The following MTRF1 variants were observed in gnomAD, a reference collection of about 807,000 sequenced individuals.
MTRF1 encodes the protein peptide chain release factor 1, mitochondrial.
Under a neutral mutation model 62.9 loss-of-function variants are expected in MTRF1, and 51 were observed. The ratio of observed to expected loss-of-function variants is 0.81; its 90% CI spans 0.65 to 1.02. MTRF1 has a LOEUF of 1.02. Ranked by LOEUF, MTRF1 falls within the 50% of genes least tolerant of loss-of-function variation. The pLI is 0.00. For synonymous variants in MTRF1, 158 were observed against 181.9 expected, an observed-to-expected ratio of 0.87 and a Z score of 1.06; for missense variants, 446 against 530.0, an observed-to-expected ratio of 0.84 and a Z score of 1.56.
At chr13:41,311,481 C>T in the MTRF1 span, 7 of 1,555,266 alleles carry the variant, frequency 4.5e-6, no homozygotes, top group South Asian at 1.2e-5. Context: ...GCGGAGCGCC[C>T]GGGCACCTAG....
chr13:41,270,355 A>T, the MTRF1 span, among the ~76,000 whole-genome samples: 1 of 152,152 alleles, frequency 6.6e-6, no homozygotes, highest in Admixed American at 6.5e-5. Flanking sequence ...TATTTGATTC[A>T]CATATTTTTA....
chr13:41,220,627 G>C, intron 9 of MTRF1: 2 of 1,284,564 alleles, frequency 1.6e-6, no homozygotes, highest in Non-Finnish European at 2.0e-6. Flanking sequence ...ACTACCACCC[G>C]TGGAATGAGA....
Position 41,260,961 on chromosome 13 carries a change from G to A in MTRF1, c.-8-46C>T, listed in dbSNP as rs748790123. The A allele has an allele frequency of 4.9e-5, 71 of 1,463,604 alleles. No homozygotes were observed. The South Asian group carries it at 9.1e-4, about 19-fold the overall frequency. 90.7% of individuals were successfully genotyped at this position (1,463,604 alleles called of 1,614,324 possible). On this transcript the variant is annotated intron_variant, in intron 1 of 9. Coordinates refer to ENST00000379480, the MANE Select transcript of MTRF1 (RefSeq NM_004294.4). ...TCTTTAAAAAAAAATCATCTCTAAA[G>A]ATACATGCATAATAAACCTGGAAGG...
chr13:41,284,537 G>A, the MTRF1 span, among the ~76,000 whole-genome samples: 712 of 145,274 alleles, frequency 4.9e-3, 2 homozygotes, highest in African/African-American at 0.017. Context: ...CAGTGAGACC[G>A]TGTCTCAAAA....
chr13:41,263,545 G>T lies in MTRF1; in HGVS notation c.-69C>A, dbSNP rs971171760. 1 of 214,558 alleles carries T rather than the reference G, an allele frequency of 4.7e-6. No homozygotes were observed. Among genetic ancestry groups the T allele is most frequent in the Non-Finnish European group, 9.7e-6 (1 of 102,784 alleles). The allele number at this position is 214,558 out of a possible 1,614,324, so 13.3% of individuals were successfully genotyped here. On this transcript the variant is annotated 5_prime_UTR_variant, in exon 1 of 10. Transcript: ENST00000379480. ...CTGAGGTCGGAACCTTCCGAGACCC[G>T]CCACATTTCAGCCCGACAAACCCGA...
chr13:41,257,864 T>C (rs138412405), intron 2 of MTRF1: 70 of 368,806 alleles, frequency 1.9e-4, no homozygotes, highest in African/African-American at 1.4e-3. Flanking sequence ...ACCTGAGCAT[T>C]CAAATGAGAT....
At chr13:41,299,760 G>C in the MTRF1 span, among the ~76,000 whole-genome samples, 18 of 150,978 alleles carry the variant, frequency 1.2e-4, no homozygotes, top group Non-Finnish European at 2.1e-4. Flanking sequence ...GTGATAAACT[G>C]ATATCTCCCT....
chr13:41,306,713 G>A, the MTRF1 span, among the ~76,000 whole-genome samples: 1 of 152,122 alleles, frequency 6.6e-6, no homozygotes, highest in Admixed American at 6.6e-5. Flanking sequence ...TTACAGATGT[G>A]GTTACTGTTA....
intron 5 of MTRF1, among the ~76,000 whole-genome samples, chr13:41,242,474 T>C (rs2037640580): frequency 6.6e-6 from 1 of 152,112 alleles, no homozygotes; most frequent in African/African-American, 2.4e-5. Context: ...AAAATCACAA[T>C]TTGGGGGCTA....
chr13:41,281,281 C>T, the MTRF1 span, among the ~76,000 whole-genome samples: 2 of 152,210 alleles, frequency 1.3e-5, no homozygotes, highest in Non-Finnish European at 2.9e-5. Flanking sequence ...ACATTATGGG[C>T]TGTACAGTGT....
the MTRF1 span, chr13:41,311,399 G>A: frequency 7.0e-6 from 6 of 851,982 alleles, no homozygotes; most frequent in African/African-American, 1.7e-5. Context: ...TGCAACTGTA[G>A]ACCAATGAAC....
At chr13:41,220,538 T>C (rs1267846163) in intron 9 of MTRF1, 1 of 1,255,036 alleles carries the variant, frequency 8.0e-7, no homozygotes, top group Admixed American at 2.3e-5. Context: ...GAAAGTTACC[T>C]AACAGAAGAA....
the MTRF1 span, among the ~76,000 whole-genome samples, chr13:41,271,093 C>A: frequency 3.7e-5 from 5 of 136,522 alleles, no homozygotes; most frequent in African/African-American, 1.5e-4. Flanking sequence ...ACACACACAC[C>A]CCATATAGCT....
chr13:41,253,151 C>G, intron 3 of MTRF1, 121 bp from the exon 4 acceptor site: 2 of 674,210 alleles, frequency 3.0e-6, no homozygotes, highest in East Asian at 2.8e-5. Context: ...GTATCCCAAA[C>G]AGGGTATTCC....
chr13:41,252,554 CA>C (rs898317168), intron 5 of MTRF1, 90 bp downstream of exon 5: 1,283 of 941,014 alleles, frequency 1.4e-3, no homozygotes, highest in Middle Eastern at 1.7e-3. Context: ...CCAAAAGTTT[CA>C]AAAAAAAATG....
At chr13:41,258,769 G>A (rs1332684894) in intron 2 of MTRF1, among the ~76,000 whole-genome samples, 17 of 152,016 alleles carry the variant, frequency 1.1e-4, no homozygotes, top group Non-Finnish European at 2.5e-4. Context: ...GAGAAAAAAA[G>A]ATAAATTGGA....
upstream of MTRF1, chr13:41,263,650 A>G (rs556912054): frequency 5.8e-6 from 1 of 173,084 alleles, no homozygotes; most frequent in African/African-American, 2.4e-5. Context: ...CGCTCTCCGG[A>G]GGAGTTGTCC....
chr13:41,223,778 A>T (rs2033869247), intron 8 of MTRF1, among the ~76,000 whole-genome samples: 1 of 152,140 alleles, frequency 6.6e-6, no homozygotes, highest in African/African-American at 2.4e-5. Context: ...GACCATCTTC[A>T]GTTCATCCCA....
At chr13:41,305,040 G>C in the MTRF1 span, among the ~76,000 whole-genome samples, 3 of 152,184 alleles carry the variant, frequency 2.0e-5, no homozygotes, top group Non-Finnish European at 4.4e-5. Flanking sequence ...ATTCAATAGA[G>C]TTGCCACTTT....
Sources: allele counts gnomAD v4.1 joint callset (sites outside exome capture counted in the v4.1 genomes callset), GRCh38; gene constraint gnomAD v4.1.1; transcripts MANE v1.5; gene names NCBI Gene and HGNC (gene_info 2026-07-23, HGNC 2026-07-21).